NPHP1: variants seen among roughly 807,000 people sequenced by gnomAD.
NPHP1 encodes nephrocystin 1.
In NPHP1, 70 loss-of-function variants were observed where a neutral mutation model predicts 90.4. That is an observed-to-expected ratio of 0.77 (90% CI 0.64 to 0.95). NPHP1 has a LOEUF of 0.95. Ranked by LOEUF, NPHP1 falls within the 40% of genes least tolerant of loss-of-function variation. The pLI is 0.00. For missense variants in NPHP1, 764 were observed against 795.9 expected (o/e 0.96, Z 0.48); for synonymous variants, 256 against 271.7 (o/e 0.94, Z 0.57).
intron 16 of NPHP1, among the ~76,000 whole-genome samples, chr2:110,133,895 T>G (rs1220643852): frequency 4.0e-5 from 6 of 151,848 alleles, no homozygotes; most frequent in Non-Finnish European, 5.9e-5. Flanking sequence ...AGAGGGAAAT[T>G]TATAGCTATA....
At chr2:110,159,399 A>C (rs1682141388) in intron 11 of NPHP1, among the ~76,000 whole-genome samples, 1 of 151,974 alleles carries the variant, frequency 6.6e-6, no homozygotes, top group Non-Finnish European at 1.5e-5. Context: ...AGGTGAAGCC[A>C]CCTAGGCCTG....
intron 2 of NPHP1, among the ~76,000 whole-genome samples, chr2:110,195,459 T>A (rs1314584894): frequency 5.9e-5 from 9 of 151,552 alleles, no homozygotes; most frequent in African/African-American, 2.4e-5. Context: ...GATGTGAAGG[T>A]CCTCTTCAAG....
intron 2 of NPHP1, among the ~76,000 whole-genome samples, chr2:110,192,019 T>C (rs1684788158): frequency 6.6e-6 from 1 of 151,944 alleles, no homozygotes; most frequent in South Asian, 2.1e-4. Context: ...ATCACCATCA[T>C]CAAAGACCAA....
At chr2:110,136,062 T>A (rs1026850382) in intron 16 of NPHP1, among the ~76,000 whole-genome samples, 2 of 152,048 alleles carry the variant, frequency 1.3e-5, no homozygotes, top group East Asian at 1.9e-4. Context: ...ACAGAACCAA[T>A]GACAAAAACC....
At position 110,187,223 on chromosome 2, in the gene NPHP1, T is replaced by C. The variant is rs139761180; in HGVS notation, c.144-7539A>G. Among the ~76,000 whole-genome samples the C allele has an allele frequency of 2.2e-4, 33 of 151,798 alleles. No individual in the cohort carries two copies. In the East Asian group the frequency reaches 5.6e-3, roughly 26 times the overall value. On this transcript the variant is annotated intron_variant, in intron 2 of 19. Coordinates refer to ENST00000445609, the MANE Select transcript of NPHP1 (RefSeq NM_001128178.3). ...CATGAAAAACCCTACAAAGAACAAA[T>C]TCAGGAGCTGGTTTTTTGAAAAAAA...
intron 1 of NPHP1, 91 bp downstream of exon 1, chr2:110,204,809 G>T (rs1463149250): frequency 8.9e-6 from 12 of 1,355,832 alleles, no homozygotes; most frequent in Admixed American, 6.8e-5. Context: ...AAGCTCCCAG[G>T]ATTAGGTGGG....
chr2:110,162,914 G>A (rs1682448521), intron 9 of NPHP1, 134 bp downstream of exon 9: 1 of 719,586 alleles, frequency 1.4e-6, no homozygotes, highest in South Asian at 1.5e-5. Context: ...GGAAGGATGA[G>A]GAAAAGATGA....
chr2:110,185,146 G>A, intron 2 of NPHP1: 1 of 573,262 alleles, frequency 1.7e-6, no homozygotes, highest in Non-Finnish European at 3.5e-6. Flanking sequence ...ATATGAGGAA[G>A]ACGGTGCCTG....
chr2:110,136,869 A>C (rs1274646288), intron 16 of NPHP1, among the ~76,000 whole-genome samples: 2 of 152,174 alleles, frequency 1.3e-5, no homozygotes, highest in African/African-American at 4.8e-5. Flanking sequence ...TTGCCAAGTC[A>C]ATCCTAAGCC....
chr2:110,164,487 CA>C (rs376683260), intron 8 of NPHP1, 200 bp downstream of exon 8: 18,245 of 869,208 alleles, frequency 0.021, no homozygotes, highest in Middle Eastern at 0.027. Context: ...TCTTTTTGTA[CA>C]AAAAAAAAAA....
At chr2:110,173,771 C>G (rs1452994501) in intron 4 of NPHP1, among the ~76,000 whole-genome samples, 1 of 152,082 alleles carries the variant, frequency 6.6e-6, no homozygotes, top group Non-Finnish European at 1.5e-5. Flanking sequence ...ACTCATTTCT[C>G]AGAACATATC....
intron 17 of NPHP1, among the ~76,000 whole-genome samples, chr2:110,130,895 A>G (rs1317790122): frequency 6.6e-6 from 1 of 152,154 alleles, no homozygotes; most frequent in African/African-American, 2.4e-5. Flanking sequence ...TTTCCTTCAC[A>G]GCACTTATTT....
intron 18 of NPHP1, chr2:110,128,418 AAGCTGGACTGTC>A (rs1679525858): frequency 1.3e-5 from 2 of 151,516 alleles, no homozygotes. Flanking sequence ...CTGACATGCC[AAGCTGGACTGTC>A]AGCTCTATTC....
intron 4 of NPHP1, among the ~76,000 whole-genome samples, chr2:110,173,303 A>AAT (rs910684487): frequency 1.3e-5 from 2 of 152,056 alleles, no homozygotes; most frequent in East Asian, 1.9e-4. Flanking sequence ...CATCAAAGAA[A>AAT]ATATATATAT....
At chr2:110,186,442 G>C (rs1486769858) in intron 2 of NPHP1, among the ~76,000 whole-genome samples, 2 of 152,130 alleles carry the variant, frequency 1.3e-5, no homozygotes, top group East Asian at 3.9e-4. Flanking sequence ...CCTTGGACCT[G>C]CTTGGTTAAG....
intron 16 of NPHP1, among the ~76,000 whole-genome samples, chr2:110,132,179 T>C (rs902567465): frequency 8.5e-5 from 13 of 152,204 alleles, no homozygotes; most frequent in African/African-American, 3.1e-4. Flanking sequence ...TAATTCAGGC[T>C]GTTCACAGTA....
intron 12 of NPHP1, among the ~76,000 whole-genome samples, chr2:110,148,818 C>T (rs1010873454): frequency 6.6e-6 from 1 of 152,142 alleles, no homozygotes; most frequent in Non-Finnish European, 1.5e-5. Context: ...CTAATGTGTG[C>T]CTTGTGAATT....
At chr2:110,125,407 AACTC>A in intron 19 of NPHP1, 1 of 1,349,328 alleles carries the variant, frequency 7.4e-7, no homozygotes, top group Non-Finnish European at 1.0e-6. Context: ...ATTTAAATAA[AACTC>A]AGTAATCTGA....
At chr2:110,188,192 G>A (rs1233255816) in intron 2 of NPHP1, among the ~76,000 whole-genome samples, 1 of 152,068 alleles carries the variant, frequency 6.6e-6, no homozygotes. Context: ...AAAGAAATAA[G>A]GAGTATTCAA....
Sources: gnomAD v4.1 joint callset for allele counts (sites outside exome capture counted in the v4.1 genomes callset) on GRCh38, gnomAD v4.1.1 for gene constraint, MANE v1.5 for transcripts, NCBI Gene and HGNC (gene_info 2026-07-23, HGNC 2026-07-21) for gene names.